SLF2: variants seen among roughly 807,000 people sequenced by gnomAD.
SLF2 encodes SMC5-SMC6 complex localization factor protein 2.
A neutral mutation model predicts 124.3 loss-of-function variants in SLF2; 68 were observed. The observed-to-expected ratio is 0.55, with a 90% CI of 0.45 to 0.67. SLF2 has a LOEUF of 0.67. SLF2 is among the 30% of genes least tolerant of loss of function. The pLI, the probability that SLF2 is intolerant of heterozygous loss-of-function variation, is 0.00. For synonymous variants in SLF2, 480 were observed against 478.8 expected (o/e 1.00, Z -0.03); for missense variants, 1,246 against 1,373.7 (o/e 0.91, Z 1.47).
intron 9 of SLF2, 49 bp from the exon 10 acceptor site, chr10:100,937,349 ATGTT>A: frequency 7.3e-7 from 1 of 1,365,206 alleles, no homozygotes; most frequent in Non-Finnish European, 1.0e-6. Flanking sequence ...CAAATAATGA[ATGTT>A]TGTGTTTTCT....
At chr10:100,919,652 T>G (rs1849490805) in intron 4 of SLF2, among the ~76,000 whole-genome samples, 1 of 152,246 alleles carries the variant, frequency 6.6e-6, no homozygotes, top group Non-Finnish European at 1.5e-5. Context: ...CAACAGTTAA[T>G]AGTCTAGTGT....
At position 100,924,242 on chromosome 10, in the gene SLF2, A is replaced by T. The variant is rs35828217; in HGVS notation, c.1241A>T (p.Asn414Ile). 1.2e-6 allele frequency: 2 copies of T among 1,614,166 alleles called. No homozygotes were observed. The highest frequency in any genetic ancestry group is 1.3e-5 in the African/African-American group (1 of 75,042). The change falls in exon 5 of 20, where the codon AAT becomes ATT. Residue 414 changes from asparagine (N) to isoleucine (I), a missense_variant. Asn to Ile is a moderately radical substitution (Grantham distance 149, BLOSUM62 -3). This residue lies in a region of SLF2 where 698 missense variants were observed against 708.9 expected (regional missense o/e 0.98). Transcript: ENST00000238961. ...GGCTTGGCACCTTCAAATTCTGGCA[A>T]TTCTGGCCACCATTCTACCAGGAAT... ...SAGLAPSNSGNSGHHSTRNSD... is the reference protein window; with the variant it reads ...SAGLAPSNSGISGHHSTRNSD...
intron 11 of SLF2, among the ~76,000 whole-genome samples, chr10:100,939,660 A>G (rs1849930028): frequency 6.6e-6 from 1 of 152,108 alleles, no homozygotes; most frequent in Non-Finnish European, 1.5e-5. Context: ...CCTGGGTGAC[A>G]GAGTGAGACT....
At chr10:100,928,078 A>T (rs1849653064) in intron 6 of SLF2, among the ~76,000 whole-genome samples, 4 of 84,000 alleles carry the variant, frequency 4.8e-5, no homozygotes, top group Admixed American at 3.8e-4. Flanking sequence ...CGAGAGAGAG[A>T]CAGAGAGAGA....
intron 6 of SLF2, 164 bp downstream of exon 6, chr10:100,926,183 A>C (rs1270467126): frequency 6.4e-7 from 1 of 1,551,194 alleles, no homozygotes; most frequent in Admixed American, 2.0e-5. Context: ...GCAGTGGCTC[A>C]TGCCTGTAAT....
At chr10:100,915,348 T>C (rs751608058) in intron 1 of SLF2, among the ~76,000 whole-genome samples, 33 of 152,190 alleles carry the variant, frequency 2.2e-4, no homozygotes, top group Non-Finnish European at 3.5e-4. Flanking sequence ...AACATCTTAA[T>C]GTATAAAGAG....
rs530818481 is a variant in SLF2, at chr10:100,930,012, A to G, written c.2333+15A>G. On this transcript the variant is annotated intron_variant, in intron 8 of 19. Transcript: ENST00000238961. ...CTTATTCTTAAGTAAGTAGAAAAAT[A>G]GACATTTTACTTTTATATGTATAAA... The G allele has an allele frequency of 1.4e-6, 2 of 1,458,338 alleles. No individual in the cohort carries two copies. The highest frequency in any genetic ancestry group is 4.8e-5 in the East Asian group (2 of 41,998). The allele number at this position is 1,458,338 out of a possible 1,614,324, so 90.3% of individuals were successfully genotyped here.
In SLF2 at chr10:100,960,973, GT is replaced by G. The variant is rs200595831; in HGVS notation, c.3487-903del. 9.6e-3 allele frequency among the ~76,000 whole-genome samples: 1,348 copies of G among 140,436 alleles called. 12 individuals are homozygous for G. Among genetic ancestry groups the G allele is most frequent in the South Asian group, 0.039 (159 of 4,064 alleles). 92.1% of individuals were successfully genotyped at this position (140,436 alleles called of 152,430 possible). ...ATGGATTCTGACTCATAGGTCTGGA[GT>G]GAGAACTGAGATATTCTGTACTTCT... On this transcript the variant is annotated intron_variant, in intron 19 of 19. Coordinates refer to ENST00000238961, the MANE Select transcript of SLF2 (RefSeq NM_018121.4).
chr10:100,913,719 A>T (rs890606146), intron 1 of SLF2: 1 of 990,650 alleles, frequency 1.0e-6, no homozygotes, highest in African/African-American at 1.7e-5. Flanking sequence ...GCTAGTTCAT[A>T]CTTAAAAGAA....
chr10:100,925,131 T>C (rs1305079699), intron 5 of SLF2, among the ~76,000 whole-genome samples, 159 bp downstream of exon 5: 1 of 152,210 alleles, frequency 6.6e-6, no homozygotes, highest in Non-Finnish European at 1.5e-5. Flanking sequence ...TGAGTTTCCA[T>C]ATCTTTAGTT....
intron 9 of SLF2, among the ~76,000 whole-genome samples, chr10:100,936,136 C>T (rs1564777418): frequency 1.3e-5 from 2 of 152,080 alleles, no homozygotes; most frequent in African/African-American, 2.4e-5. Flanking sequence ...GCTGAGATTA[C>T]AGGTGTGAGA....
chr10:100,934,500 G>T (rs1589953658), intron 9 of SLF2, among the ~76,000 whole-genome samples: 1 of 152,280 alleles, frequency 6.6e-6, no homozygotes, highest in East Asian at 1.9e-4. Flanking sequence ...CATCATAGCA[G>T]AAGTTTTTTT....
In SLF2 at chr10:100,928,749, T is replaced by C. The variant is rs527820392; in HGVS notation, c.2043-568T>C. On this transcript the variant is annotated intron_variant, in intron 6 of 19. Transcript: ENST00000238961. ...GTTTTCTTATCTATAAAATGCGTTA[T>C]AAACTACTACATGGAGTTGTTGTAA... is the stretch of plus-strand genomic sequence containing the variant. Among the ~76,000 whole-genome samples the C allele has an allele frequency of 6.0e-4, 91 of 152,320 alleles. No individual in the cohort carries two copies. The South Asian group carries it at 0.016, about 27-fold the overall frequency.
chr10:100,951,139 A>C (rs939598353), intron 17 of SLF2, among the ~76,000 whole-genome samples: 4 of 152,176 alleles, frequency 2.6e-5, no homozygotes, highest in African/African-American at 9.7e-5. Flanking sequence ...GCTGTTCGGG[A>C]GGCTGAGGCA....
In SLF2 at chr10:100,924,885, G is replaced by T; in HGVS notation, c.1884G>T (p.Met628Ile). The T allele has an allele frequency of 6.2e-7, 1 of 1,614,148 alleles. No individual in the cohort carries two copies. Among genetic ancestry groups the T allele is most frequent in the Non-Finnish European group, 8.5e-7 (1 of 1,180,026 alleles). Reference sequence around the variant, plus strand: ...CATTAAAGTCACTGGAAGAAATAATGGCTTTGAACTTCAATCAGACTCCTG... The same window carrying T: ...CATTAAAGTCACTGGAAGAAATAATTGCTTTGAACTTCAATCAGACTCCTG... ...EETLKSLEEI[M>I]ALNFNQTPAA... is the part of the protein sequence containing the mutation. Residue 628 changes from methionine to isoleucine, a missense_variant, in exon 5 of 20, where the codon ATG becomes ATT. Around this residue, in one of 3 missense-constraint regions of SLF2, gnomAD observed 535 missense variants for 632.8 expected, o/e 0.85. Transcript: ENST00000238961.
intron 5 of SLF2, 107 bp from the exon 6 acceptor site, chr10:100,925,842 C>G (rs1037745295): frequency 4.1e-5 from 44 of 1,084,398 alleles, no homozygotes; most frequent in Middle Eastern, 6.2e-4. Context: ...TATCCTGGCC[C>G]AGATTATTGA....
chr10:100,913,468 A>G (rs529484020), intron 1 of SLF2: 17 of 1,288,430 alleles, frequency 1.3e-5, no homozygotes, highest in African/African-American at 3.1e-5. Flanking sequence ...TCTAGTGACC[A>G]CCAGCCTGGA....
intron 11 of SLF2, among the ~76,000 whole-genome samples, chr10:100,942,684 A>G (rs1238128841): frequency 2.0e-5 from 3 of 151,992 alleles, no homozygotes; most frequent in Non-Finnish European, 4.4e-5. Context: ...ACGCCAGCCT[A>G]ATTTTTCTAT....
chr10:100,913,573 A>T, intron 1 of SLF2: 1 of 1,198,448 alleles, frequency 8.3e-7, no homozygotes. Context: ...GCATATTTAG[A>T]TCGTTTTCTG....
Sources: gnomAD v4.1 joint callset for allele counts (sites outside exome capture counted in the v4.1 genomes callset) on GRCh38, gnomAD v4.1.1 for gene constraint, gnomAD v4.1.1 regional missense constraint, MANE v1.5 for transcripts, NCBI Gene and HGNC (gene_info 2026-07-23, HGNC 2026-07-21) for gene names.